The following GPC6 variants were observed in gnomAD, a reference collection of about 807,000 sequenced individuals.
The protein encoded by GPC6 is glypican-6.
In GPC6, 14 loss-of-function variants were observed where a neutral mutation model predicts 55.2. That is an observed-to-expected ratio of 0.25 (90% CI 0.17 to 0.40). The LOEUF (loss-of-function observed/expected upper bound fraction) is 0.40. GPC6 is among the 10% of genes least tolerant of loss of function. The pLI, the probability that GPC6 is intolerant of heterozygous loss-of-function variation, is 1.00. For missense variants in GPC6, 641 were observed against 708.5 expected, an observed-to-expected ratio of 0.90 and a Z score of 1.08; for synonymous variants, 278 against 259.6, an observed-to-expected ratio of 1.07 and a Z score of -0.68.
At chr13:94,107,577 C>CT (rs35080088) in intron 4 of GPC6, among the ~76,000 whole-genome samples, 2,657 of 142,856 alleles carry the variant, frequency 0.019, 69 homozygotes, top group African/African-American at 0.059. Flanking sequence ...ATTTCTTTCT[C>CT]TTTTTTTTTT....
At chr13:93,769,449 G>C (rs902603469) in intron 2 of GPC6, among the ~76,000 whole-genome samples, 1 of 127,520 alleles carries the variant, frequency 7.8e-6, no homozygotes, top group Non-Finnish European at 1.7e-5. Flanking sequence ...AAAAAAAAAA[G>C]ACAGCCCCAA....
At chr13:93,300,947 A>C (rs1225694073) in intron 1 of GPC6, among the ~76,000 whole-genome samples, 1 of 151,936 alleles carries the variant, frequency 6.6e-6, no homozygotes, top group Non-Finnish European at 1.5e-5. Context: ...TGAACCCGGG[A>C]GGCAGAGGTT....
intron 6 of GPC6, among the ~76,000 whole-genome samples, chr13:94,364,147 G>A (rs907019189): frequency 6.6e-6 from 1 of 152,146 alleles, no homozygotes; most frequent in Non-Finnish European, 1.5e-5. Flanking sequence ...CTTCGAACAG[G>A]ATGGCCATTT....
At chr13:94,102,503 C>CT (rs773906865) in intron 4 of GPC6, among the ~76,000 whole-genome samples, 143 of 143,920 alleles carry the variant, frequency 9.9e-4, no homozygotes, top group Middle Eastern at 3.6e-3. Flanking sequence ...TTTTCTGACC[C>CT]TTTTTTTTTT....
intron 1 of GPC6, among the ~76,000 whole-genome samples, chr13:93,373,993 T>C (rs1874782680): frequency 6.6e-6 from 1 of 152,164 alleles, no homozygotes; most frequent in Admixed American, 6.5e-5. Context: ...ATATAATTGC[T>C]GCCCTTATGG....
chr13:93,811,147 C>T (rs183134579), intron 2 of GPC6, among the ~76,000 whole-genome samples: 16 of 152,252 alleles, frequency 1.1e-4, no homozygotes, highest in Non-Finnish European at 1.5e-5. Context: ...ACAGTCACCC[C>T]AGATGATGGT....
At chr13:93,502,172 G>A (rs1371288572) in intron 1 of GPC6, among the ~76,000 whole-genome samples, 2 of 150,144 alleles carry the variant, frequency 1.3e-5, no homozygotes, top group Non-Finnish European at 3.0e-5. Context: ...GATCCCAAAA[G>A]CCCTGGTTAA....
chr13:94,092,168 G>A (rs1210248045), intron 4 of GPC6, among the ~76,000 whole-genome samples: 4 of 151,630 alleles, frequency 2.6e-5, no homozygotes, highest in Non-Finnish European at 4.4e-5. Context: ...AAGATATACT[G>A]TCTTAGCAGA....
chr13:94,346,588 G>T (rs1478436035), intron 6 of GPC6, among the ~76,000 whole-genome samples: 1 of 152,028 alleles, frequency 6.6e-6, no homozygotes, highest in African/African-American at 2.4e-5. Context: ...TGGGCGTAGT[G>T]GCGGGCACCT....
chr13:93,979,029 T>C (rs138623188), intron 3 of GPC6, among the ~76,000 whole-genome samples: 2 of 152,256 alleles, frequency 1.3e-5, no homozygotes, highest in South Asian at 2.1e-4. Context: ...TAGAATGTTA[T>C]AGGAAGTGCC....
upstream of GPC6, among the ~76,000 whole-genome samples, chr13:93,222,193 C>T (rs528344485): frequency 2.7e-4 from 41 of 152,196 alleles, 1 homozygote; most frequent in Middle Eastern, 3.4e-3. Flanking sequence ...TTATGTTAAA[C>T]GTGTGACATA....
intron 8 of GPC6, 61 bp downstream of exon 8, chr13:94,398,702 T>C (rs2139228925): frequency 7.3e-7 from 1 of 1,370,820 alleles, no homozygotes; most frequent in Non-Finnish European, 1.0e-6. Context: ...TAGAAGATGA[T>C]GCCCTGACTT....
chr13:93,995,327 G>T (rs1296422597), intron 3 of GPC6, among the ~76,000 whole-genome samples: 2 of 151,806 alleles, frequency 1.3e-5, no homozygotes, highest in Non-Finnish European at 2.9e-5. Context: ...AGCTGGGATT[G>T]CAGGTGTGCA....
chr13:94,279,125 GT>G (rs1892297242), intron 4 of GPC6, among the ~76,000 whole-genome samples: 2 of 152,034 alleles, frequency 1.3e-5, no homozygotes, highest in African/African-American at 2.4e-5. Flanking sequence ...CTTGTTATTG[GT>G]TTATTCAGGG....
chr13:94,046,407 A>G (rs1311082406), intron 4 of GPC6, among the ~76,000 whole-genome samples: 1 of 152,016 alleles, frequency 6.6e-6, no homozygotes, highest in Non-Finnish European at 1.5e-5. Flanking sequence ...CTCACTATTG[A>G]ACTTGAGCTC....
At chr13:94,042,201 C>A (rs1253123677) in intron 4 of GPC6, among the ~76,000 whole-genome samples, 1 of 151,724 alleles carries the variant, frequency 6.6e-6, no homozygotes, top group Non-Finnish European at 1.5e-5. Context: ...GTAAAATATG[C>A]CTGCTTTCCC....
intron 2 of GPC6, among the ~76,000 whole-genome samples, chr13:93,649,024 T>C (rs1277774105): frequency 6.6e-6 from 1 of 152,204 alleles, no homozygotes; most frequent in Non-Finnish European, 1.5e-5. Context: ...TGGCATATAA[T>C]AAATTCAACA....
intron 6 of GPC6, among the ~76,000 whole-genome samples, chr13:94,312,048 C>T (rs1286468351): frequency 6.6e-6 from 1 of 152,212 alleles, no homozygotes; most frequent in Non-Finnish European, 1.5e-5. Flanking sequence ...ACCCTTGTAG[C>T]TTTCCTGAAG....
intron 3 of GPC6, among the ~76,000 whole-genome samples, chr13:93,976,574 C>A (rs528449828): frequency 4.0e-5 from 6 of 150,798 alleles, no homozygotes; most frequent in Admixed American, 3.3e-4. Context: ...TTTGAGAGAT[C>A]GCTTCTTAAT....
Sources: allele counts gnomAD v4.1 joint callset (sites outside exome capture counted in the v4.1 genomes callset), GRCh38; gene constraint gnomAD v4.1.1; transcripts MANE v1.5; gene names NCBI Gene and HGNC (gene_info 2026-07-23, HGNC 2026-07-21).